The following RUNX1 variants were observed in gnomAD, a reference collection of about 807,000 sequenced individuals.
The protein encoded by RUNX1 is runt-related transcription factor 1.
Under a neutral mutation model 42.8 loss-of-function variants are expected in RUNX1, and 19 were observed. The ratio of observed to expected loss-of-function variants is 0.44; its 90% CI spans 0.31 to 0.65. The LOEUF (loss-of-function observed/expected upper bound fraction) is 0.65, where lower values mean the gene tolerates loss of function less well. RUNX1 is among the 30% of genes least tolerant of loss of function. RUNX1 has a pLI of 0.07. For synonymous variants in RUNX1, 271 were observed against 289.4 expected, an observed-to-expected ratio of 0.94 and a Z score of 0.64; for missense variants, 528 against 672.0, an observed-to-expected ratio of 0.79 and a Z score of 2.37.
At chr21:34,981,712 A>C (rs2058847563) in intron 2 of RUNX1, among the ~76,000 whole-genome samples, 1 of 152,238 alleles carries the variant, frequency 6.6e-6, no homozygotes, top group South Asian at 2.1e-4. Flanking sequence ...TAGTTAATTT[A>C]ATCCATTTTG....
At chr21:34,840,390 A>G (rs2057216076) in intron 6 of RUNX1, among the ~76,000 whole-genome samples, 1 of 152,128 alleles carries the variant, frequency 6.6e-6, no homozygotes, top group African/African-American at 2.4e-5. Flanking sequence ...TTTTCTACCA[A>G]CCTTTGCTGT....
At chr21:35,042,636 G>C (rs1304474927) in intron 2 of RUNX1, among the ~76,000 whole-genome samples, 1 of 152,212 alleles carries the variant, frequency 6.6e-6, no homozygotes, top group African/African-American at 2.4e-5. Context: ...AGGGGTTGAG[G>C]CCTCCCATGT....
chr21:34,912,226 A>G (rs1287418347), intron 2 of RUNX1, among the ~76,000 whole-genome samples: 2 of 148,510 alleles, frequency 1.3e-5, no homozygotes, highest in African/African-American at 5.0e-5. Flanking sequence ...GAGGCATCCT[A>G]GATCTCAGAG....
At chr21:34,889,022 C>T (rs1378547500) in intron 3 of RUNX1, among the ~76,000 whole-genome samples, 3 of 151,324 alleles carry the variant, frequency 2.0e-5, no homozygotes, top group Non-Finnish European at 4.4e-5. Flanking sequence ...TGGCCACGGT[C>T]CGGAGACCTG....
chr21:34,884,164 T>G (rs893719489), intron 4 of RUNX1, among the ~76,000 whole-genome samples: 1 of 152,084 alleles, frequency 6.6e-6, no homozygotes, highest in Non-Finnish European at 1.5e-5. Context: ...TTCTTAGTAG[T>G]AAAAAACATG....
At chr21:34,883,615 A>G (rs1271817094) in intron 4 of RUNX1, among the ~76,000 whole-genome samples, 2 of 152,214 alleles carry the variant, frequency 1.3e-5, no homozygotes, top group Non-Finnish European at 2.9e-5. Context: ...AACACAGACC[A>G]AACAGGCAAG....
chr21:34,974,369 A>ATG (rs2058784853), intron 2 of RUNX1, among the ~76,000 whole-genome samples: 1 of 151,696 alleles, frequency 6.6e-6, no homozygotes, highest in South Asian at 2.1e-4. Context: ...CAAGCTTTGC[A>ATG]TGAAACCCCA....
Position 34,873,022 on chromosome 21 carries a change from A to G in RUNX1, c.508+7535T>C, listed in dbSNP as rs189309628. ...TTGTCCTAGGTACTAGAGACACACC[A>G]TTTAAAGAGGCAGACAAAGCCTTAT... On this transcript the variant is annotated intron_variant, in intron 5 of 8. Coordinates refer to ENST00000675419, the MANE Select transcript of RUNX1 (RefSeq NM_001754.5). Among the ~76,000 whole-genome samples, 7 of 152,332 alleles carry G rather than the reference A, an allele frequency of 4.6e-5. No individual in the cohort carries two copies. The East Asian group carries it at 1.3e-3, about 29-fold the overall frequency.
intron 2 of RUNX1, among the ~76,000 whole-genome samples, chr21:34,976,297 T>C (rs1329992042): frequency 6.6e-6 from 1 of 152,188 alleles, no homozygotes; most frequent in East Asian, 1.9e-4. Context: ...CTTTCCCAAA[T>C]TGAAAAATTT....
At chr21:34,875,925 T>C (rs2057806918) in intron 5 of RUNX1, among the ~76,000 whole-genome samples, 1 of 152,178 alleles carries the variant, frequency 6.6e-6, no homozygotes, top group South Asian at 2.1e-4. Context: ...TACACAAATA[T>C]GCAATAACCC....
chr21:34,935,332 C>T (rs759795105), intron 2 of RUNX1, among the ~76,000 whole-genome samples: 1 of 152,142 alleles, frequency 6.6e-6, no homozygotes, highest in Admixed American at 6.6e-5. Context: ...TAAATCCTGA[C>T]TCTGATATCC....
Position 35,016,051 on chromosome 21 carries a change from C to A in RUNX1, c.58+32791G>T, listed in dbSNP as rs1462626265. Among the ~76,000 whole-genome samples, 5 of 152,130 alleles carry A rather than the reference C, an allele frequency of 3.3e-5. No homozygotes were observed. The East Asian group carries it at 9.6e-4, about 29-fold the overall frequency. On this transcript the variant is annotated intron_variant, in intron 2 of 8. Transcript: ENST00000675419. The stretch of plus-strand genomic sequence containing the variant: ...TTAGGCTTCAGAACTACTCAAGTAG[C>A]CTGGTCACCTAATAACAGCTTTGGA...
At chr21:34,946,672 C>T (rs1303914236) in intron 2 of RUNX1, among the ~76,000 whole-genome samples, 1 of 152,134 alleles carries the variant, frequency 6.6e-6, no homozygotes, top group East Asian at 1.9e-4. Flanking sequence ...CTTTATTTAT[C>T]AAAGGGTACA....
intron 2 of RUNX1, among the ~76,000 whole-genome samples, chr21:35,034,917 C>T (rs1804838888): frequency 6.6e-6 from 1 of 152,182 alleles, no homozygotes; most frequent in Non-Finnish European, 1.5e-5. Flanking sequence ...CCCTACTCAG[C>T]CTGAGTCTGT....
chr21:35,016,287 G>A (rs1421124853), intron 2 of RUNX1, among the ~76,000 whole-genome samples: 1 of 152,206 alleles, frequency 6.6e-6, no homozygotes, highest in Non-Finnish European at 1.5e-5. Context: ...TGAAGTGGCT[G>A]ATCTAGAACA....
In RUNX1 at chr21:34,971,545, C is replaced by T. The variant is rs1245176239; in HGVS notation, c.58+77297G>A. Among the ~76,000 whole-genome samples, 4 of 152,172 alleles carry T rather than the reference C, an allele frequency of 2.6e-5. No individual in the cohort carries two copies. The East Asian group carries it at 7.7e-4, about 29-fold the overall frequency. ...TCCATCCATCCATCCATCCATCCAT[C>T]CAACCACCATCTATCTTATCCACCC... On this transcript the variant is annotated intron_variant, in intron 2 of 8. Coordinates refer to ENST00000675419, the MANE Select transcript of RUNX1 (RefSeq NM_001754.5).
At chr21:34,975,922 A>G (rs1456678687) in intron 2 of RUNX1, among the ~76,000 whole-genome samples, 1 of 152,102 alleles carries the variant, frequency 6.6e-6, no homozygotes, top group Non-Finnish European at 1.5e-5. Flanking sequence ...GGAAAGATGG[A>G]TTGAGACTAA....
chr21:34,885,636 C>G (rs1038548139), intron 4 of RUNX1, among the ~76,000 whole-genome samples: 1 of 152,122 alleles, frequency 6.6e-6, no homozygotes, highest in African/African-American at 2.4e-5. Flanking sequence ...CGCAACAATA[C>G]TTTTTTAAAA....
intron 5 of RUNX1, among the ~76,000 whole-genome samples, chr21:34,861,355 A>G (rs2057572733): frequency 6.6e-6 from 1 of 152,170 alleles, no homozygotes; most frequent in Non-Finnish European, 1.5e-5. Context: ...GCAACTGCCC[A>G]TCTCACTGGG....
Sources: gnomAD v4.1 joint callset for allele counts (sites outside exome capture counted in the v4.1 genomes callset) on GRCh38, gnomAD v4.1.1 for gene constraint, MANE v1.5 for transcripts, NCBI Gene and HGNC (gene_info 2026-07-23, HGNC 2026-07-21) for gene names.